The following ARMH4 variants were observed in gnomAD, a reference collection of about 807,000 sequenced individuals.
ARMH4 encodes the protein armadillo like helical domain containing 4, also known as armadillo-like helical domain-containing protein 4.
Under a neutral mutation model 61.9 loss-of-function variants are expected in ARMH4, and 49 were observed. That is an observed-to-expected ratio of 0.79 (90% CI 0.63 to 1.00). The LOEUF is 1.00. Ranked by LOEUF, ARMH4 falls within the 50% of genes least tolerant of loss-of-function variation. The pLI is 0.00. For synonymous variants in ARMH4, 368 were observed against 341.5 expected, an observed-to-expected ratio of 1.08 and a Z score of -0.85; for missense variants, 934 against 930.0, an observed-to-expected ratio of 1.00 and a Z score of -0.06.
chr14:58,010,348 A>G (rs8015949), intron 6 of ARMH4, among the ~76,000 whole-genome samples: 2 of 152,280 alleles, frequency 1.3e-5, no homozygotes, highest in African/African-American at 4.8e-5. Flanking sequence ...ATATATGTAC[A>G]TATGTGTGTA....
intron 5 of ARMH4, among the ~76,000 whole-genome samples, chr14:58,074,856 C>T (rs543171353): frequency 6.6e-6 from 1 of 152,024 alleles, no homozygotes; most frequent in Non-Finnish European, 1.5e-5. Context: ...TTTAAAAATT[C>T]CCAAAAGTTT....
At chr14:58,133,891 G>C (rs1887214050) in intron 2 of ARMH4, among the ~76,000 whole-genome samples, 1 of 152,132 alleles carries the variant, frequency 6.6e-6, no homozygotes, top group African/African-American at 2.4e-5. Flanking sequence ...GTACTACAGG[G>C]AGATAGGTAC....
intron 1 of ARMH4, 38 bp from the exon 2 acceptor site, chr14:58,139,452 T>C: frequency 8.8e-7 from 1 of 1,139,266 alleles, no homozygotes; most frequent in Non-Finnish European, 1.3e-6. Context: ...GTCATATAAA[T>C]ACATGTTGTA....
chr14:58,028,524 C>T (rs2141159830), intron 5 of ARMH4, among the ~76,000 whole-genome samples: 1 of 152,276 alleles, frequency 6.6e-6, no homozygotes, highest in African/African-American at 2.4e-5. Context: ...CTTTTCCAGA[C>T]CTCCTTTCGC....
chr14:58,006,957 G>A (rs1234028489), intron 6 of ARMH4, among the ~76,000 whole-genome samples: 1 of 152,028 alleles, frequency 6.6e-6, no homozygotes, highest in African/African-American at 2.4e-5. Flanking sequence ...CTTTGTAGAA[G>A]CCCAAACTTT....
intron 5 of ARMH4, among the ~76,000 whole-genome samples, chr14:58,022,929 A>C (rs1250740794): frequency 1.3e-5 from 2 of 152,374 alleles, no homozygotes; most frequent in East Asian, 3.9e-4. Context: ...TATTTGCACT[A>C]TAGTATAGTC....
In ARMH4 at chr14:58,139,042, G is replaced by C. The variant is rs1305519266; in HGVS notation, c.317C>G (p.Thr106Arg). The C allele has an allele frequency of 6.2e-7, 1 of 1,614,118 alleles. No individual in the cohort carries two copies. Among genetic ancestry groups the C allele is most frequent in the South Asian group, 1.1e-5 (1 of 91,090 alleles). ...AGGTGTGGAAACACCAGGGCGTTCT[G>C]TTTGCATGAGCCCAGCTTGTCCAGG... ...TQPGQAGLMQ[T>R]ERPGVSTPTE... Residue 106 changes from threonine (T) to arginine (R), a missense_variant, in exon 2 of 8, where the codon ACA becomes AGA. Thr to Arg is a moderately conservative substitution (Grantham distance 71). Transcript: ENST00000267485.
intron 5 of ARMH4, among the ~76,000 whole-genome samples, chr14:58,040,206 G>A (rs1883639563): frequency 6.6e-6 from 1 of 151,930 alleles, no homozygotes; most frequent in Admixed American, 6.6e-5. Flanking sequence ...ACATGAGCAG[G>A]TTTGTTATAT....
intron 5 of ARMH4, among the ~76,000 whole-genome samples, chr14:58,086,510 G>A (rs759146229): frequency 2.0e-5 from 3 of 152,058 alleles, no homozygotes; most frequent in East Asian, 1.9e-4. Flanking sequence ...CTCAGTACCT[G>A]ATCAGTTACC....
In ARMH4 at chr14:58,133,234, T is replaced by C; in HGVS notation, c.1477A>G (p.Lys493Glu). The change falls in exon 3 of 8, where the codon AAG (lysine) becomes GAG (glutamate). Residue 493 changes from lysine (K) to glutamate (E), a missense_variant. Physicochemically the swap from Lys to Glu is moderately conservative, Grantham distance 56 (BLOSUM62 1). Coordinates refer to ENST00000267485, the MANE Select transcript of ARMH4 (RefSeq NM_001001872.4). ...GGGTCCTCCTTTTCTTCCTCAGTCTTGCCACTGTCTCTGATAAGCTCGAGG... is the reference window on the plus strand; with the variant it reads ...GGGTCCTCCTTTTCTTCCTCAGTCTCGCCACTGTCTCTGATAAGCTCGAGG... ...ATLELIRDSG[K>E]TEEEKEDPSP... is the part of the protein sequence containing the mutation. The C allele has an allele frequency of 6.2e-7, 1 of 1,614,176 alleles. No homozygotes were observed. Among genetic ancestry groups the C allele is most frequent in the Non-Finnish European group, 8.5e-7 (1 of 1,180,040 alleles).
Position 58,115,590 on chromosome 14 carries a change from C to A in ARMH4, c.1831+15922G>T, listed in dbSNP as rs571477304. Among the ~76,000 whole-genome samples, 4 of 152,102 alleles carry A rather than the reference C, an allele frequency of 2.6e-5. No individual in the cohort carries two copies. The South Asian group carries it at 8.3e-4, about 32-fold the overall frequency. ...TTTCTGGGTATACACCTAAAAAAAA[C>A]AAATAATTCTACCAAAAAAACATGC... On this transcript the variant is annotated intron_variant, in intron 4 of 7. Coordinates refer to ENST00000267485, the MANE Select transcript of ARMH4 (RefSeq NM_001001872.4).
At chr14:58,135,454 T>C (rs539860136) in intron 2 of ARMH4, among the ~76,000 whole-genome samples, 2 of 152,288 alleles carry the variant, frequency 1.3e-5, no homozygotes, top group East Asian at 3.9e-4. Context: ...TGAGAACATA[T>C]ATACAAAAAT....
chr14:58,005,102 GC>G lies in ARMH4; in HGVS notation c.2201del (p.Ser734ThrfsTer5). 1 of 1,614,004 alleles carries G rather than the reference GC, an allele frequency of 6.2e-7. No homozygotes were observed. Among genetic ancestry groups the G allele is most frequent in the Non-Finnish European group, 8.5e-7 (1 of 1,179,952 alleles). On this transcript the variant is annotated frameshift_variant, in exon 7 of 8. Coordinates refer to ENST00000267485, the MANE Select transcript of ARMH4 (RefSeq NM_001001872.4). LOFTEE classifies it high-confidence loss of function. ...GALFILGALY[S>X]IKVMNRRRRN... Reference sequence around the variant, plus strand: ...TCCTTCGGCGATTCATAACCTTAATGCTGTAGAGGGCTCCCAAGATGAACAA... The same window carrying G: ...TCCTTCGGCGATTCATAACCTTAATGTGTAGAGGGCTCCCAAGATGAACAA...
chr14:58,027,522 A>C (rs1350186187), intron 5 of ARMH4, among the ~76,000 whole-genome samples: 1 of 150,446 alleles, frequency 6.6e-6, no homozygotes, highest in Non-Finnish European at 1.5e-5. Context: ...GTCATAGGCT[A>C]TCTCTGTTAA....
At chr14:58,134,342 C>T (rs769416791) in intron 2 of ARMH4, among the ~76,000 whole-genome samples, 1 of 152,060 alleles carries the variant, frequency 6.6e-6, no homozygotes, top group Non-Finnish European at 1.5e-5. Context: ...TGTCACAGGT[C>T]CACTTGCTTT....
intron 5 of ARMH4, among the ~76,000 whole-genome samples, chr14:58,028,217 T>C (rs1883088981): frequency 6.6e-6 from 1 of 152,194 alleles, no homozygotes. Context: ...TTTGTTTCCT[T>C]GTGTGATCTG....
At chr14:58,046,342 G>C (rs11622648) in intron 5 of ARMH4, among the ~76,000 whole-genome samples, 20,256 of 152,100 alleles carry the variant, frequency 0.13, 1,998 homozygotes, top group East Asian at 0.5. Flanking sequence ...GACAATTTGC[G>C]TGCTGAGATG....
intron 5 of ARMH4, among the ~76,000 whole-genome samples, chr14:58,068,325 G>C (rs185214744): frequency 9.6e-4 from 145 of 151,164 alleles, no homozygotes; most frequent in Non-Finnish European, 1.7e-3. Context: ...TTTATATATT[G>C]ATCACTATTC....
chr14:58,139,170 C>T lies in ARMH4; in HGVS notation c.189G>A (p.Lys63=), dbSNP rs199625030. Residue 63 remains lysine (K), a synonymous_variant, in exon 2 of 8, where the codon AAG becomes AAA. Coordinates refer to ENST00000267485, the MANE Select transcript of ARMH4 (RefSeq NM_001001872.4). ...CAGAGACCACCAGTTGGGGAGTCTG[C>T]TTTGAGGTAACAGAGCTATTTTCTA... ...DDLENSSVTS[K]QTPQLVVSED... 7.6e-5 allele frequency: 122 copies of T among 1,614,212 alleles called. No individual in the cohort carries two copies. The highest frequency in any genetic ancestry group is 9.9e-5 in the Non-Finnish European group (117 of 1,180,042).
Sources: allele counts gnomAD v4.1 joint callset (sites outside exome capture counted in the v4.1 genomes callset), GRCh38; gene constraint gnomAD v4.1.1; transcripts MANE v1.5; gene names NCBI Gene and HGNC (gene_info 2026-07-23, HGNC 2026-07-21).